The following CNTN4 variants were observed in gnomAD, a reference collection of about 807,000 sequenced individuals.
CNTN4 encodes contactin-4.
Under a neutral mutation model 122.5 loss-of-function variants are expected in CNTN4, and 77 were observed. The ratio of observed to expected loss-of-function variants is 0.63; its 90% CI spans 0.52 to 0.76. The LOEUF is 0.76. Among genes scored for constraint, CNTN4 ranks in the 30% least tolerant of loss-of-function variants. The pLI, the probability that CNTN4 is intolerant of heterozygous loss-of-function variation, is 0.00. For missense variants in CNTN4, 1,256 were observed against 1,259.1 expected, an observed-to-expected ratio of 1.00 and a Z score of 0.04; for synonymous variants, 512 against 447.0, an observed-to-expected ratio of 1.15 and a Z score of -1.83.
chr3:2,971,370 A>ATC (rs1333760941), intron 13 of CNTN4, among the ~76,000 whole-genome samples: 2 of 150,634 alleles, frequency 1.3e-5, no homozygotes, highest in African/African-American at 4.9e-5. Flanking sequence ...CTATCTATCT[A>ATC]TATATATATA....
At chr3:2,193,072 G>A (rs537290087) in intron 2 of CNTN4, among the ~76,000 whole-genome samples, 4 of 152,154 alleles carry the variant, frequency 2.6e-5, no homozygotes, top group Non-Finnish European at 4.4e-5. Flanking sequence ...CCTTACTTAT[G>A]ATGCATCTTT....
intron 4 of CNTN4, among the ~76,000 whole-genome samples, chr3:2,682,709 G>T (rs1318119528): frequency 6.6e-6 from 1 of 152,086 alleles, no homozygotes; most frequent in Non-Finnish European, 1.5e-5. Context: ...GTTAAATAAA[G>T]ATCTAGACAA....
At chr3:2,273,417 A>G (rs2041379178) in intron 2 of CNTN4, among the ~76,000 whole-genome samples, 1 of 152,142 alleles carries the variant, frequency 6.6e-6, no homozygotes, top group South Asian at 2.1e-4. Context: ...AAACATCTCA[A>G]TAGGATGTGT....
chr3:2,687,131 C>G (rs1330454892), intron 4 of CNTN4, among the ~76,000 whole-genome samples: 2 of 152,176 alleles, frequency 1.3e-5, no homozygotes, highest in Non-Finnish European at 2.9e-5. Flanking sequence ...GAGTTTCAAT[C>G]ATTTAAATAT....
chr3:2,757,583 G>A (rs963843194), intron 6 of CNTN4, among the ~76,000 whole-genome samples: 1 of 152,196 alleles, frequency 6.6e-6, no homozygotes, highest in Non-Finnish European at 1.5e-5. Context: ...CTGTGCTAGT[G>A]AGGGCCAGCT....
At chr3:2,453,325 A>T (rs1396562126) in intron 3 of CNTN4, among the ~76,000 whole-genome samples, 1 of 152,174 alleles carries the variant, frequency 6.6e-6, no homozygotes, top group African/African-American at 2.4e-5. Context: ...ATACTATTTT[A>T]AAAACATTTA....
At chr3:2,579,976 A>G (rs2079861853) in intron 4 of CNTN4, among the ~76,000 whole-genome samples, 1 of 152,146 alleles carries the variant, frequency 6.6e-6, no homozygotes, top group East Asian at 1.9e-4. Flanking sequence ...CCTTATCTAT[A>G]CAATGGTGTT....
chr3:2,320,219 G>A (rs1051819285), intron 2 of CNTN4, among the ~76,000 whole-genome samples: 18 of 152,092 alleles, frequency 1.2e-4, no homozygotes, highest in Admixed American at 9.8e-4. Flanking sequence ...ATTTAATTAC[G>A]TTTAGTGACC....
At chr3:2,625,213 GT>G (rs2082137590) in intron 4 of CNTN4, among the ~76,000 whole-genome samples, 1 of 152,066 alleles carries the variant, frequency 6.6e-6, no homozygotes, top group African/African-American at 2.4e-5. Flanking sequence ...AAGGTAGTGG[GT>G]CTCTAAAAAT....
At chr3:2,173,231 C>G (rs2036594374) in intron 2 of CNTN4, among the ~76,000 whole-genome samples, 1 of 152,158 alleles carries the variant, frequency 6.6e-6, no homozygotes, top group Non-Finnish European at 1.5e-5. Context: ...ACTGAGCAAA[C>G]AGACCATTTG....
At chr3:3,039,629 T>G in intron 19 of CNTN4, 1 of 246,426 alleles carries the variant, frequency 4.1e-6, no homozygotes, top group East Asian at 1.0e-4. Flanking sequence ...AGAGGGAGGA[T>G]CTTCAGCCAA....
rs2094190626 is a variant in CNTN4, at chr3:2,902,931, A to G, written c.1133A>G (p.Asp378Gly). ...TLNITIVNLS[D>G]AGMYQCLAEN... is the part of the protein sequence containing the mutation. The stretch of plus-strand genomic sequence containing the variant: ...AACATAACAATAGTGAACCTCTCAG[A>G]TGCTGGCATGTATCAGTGTTTGGCA... Residue 378 changes from aspartate to glycine, a missense_variant, in exon 12 of 25, where the codon GAT (aspartate) becomes GGT (glycine). Physicochemically the swap from Asp to Gly is moderately conservative, Grantham distance 94. Coordinates refer to ENST00000418658, the MANE Select transcript of CNTN4 (RefSeq NM_175607.3). The G allele has an allele frequency of 6.2e-7, 1 of 1,613,756 alleles. No individual in the cohort carries two copies. The highest frequency in any genetic ancestry group is 8.5e-7 in the Non-Finnish European group (1 of 1,179,852).
chr3:2,388,942 A>C (rs1436677537), intron 3 of CNTN4, among the ~76,000 whole-genome samples: 2 of 151,828 alleles, frequency 1.3e-5, no homozygotes, highest in Non-Finnish European at 2.9e-5. Flanking sequence ...TAGATCACCT[A>C]AGGTCAGGAG....
At chr3:2,310,021 A>G (rs533653495) in intron 2 of CNTN4, among the ~76,000 whole-genome samples, 2 of 152,136 alleles carry the variant, frequency 1.3e-5, no homozygotes, top group African/African-American at 4.8e-5. Context: ...CTCTTTTTAT[A>G]TCAACTTATT....
chr3:2,996,927 A>G (rs1695590357), intron 14 of CNTN4, among the ~76,000 whole-genome samples: 1 of 152,246 alleles, frequency 6.6e-6, no homozygotes, highest in Admixed American at 6.5e-5. Flanking sequence ...TATTACAGTT[A>G]TATATTTTTG....
chr3:2,482,746 A>G (rs2076040825), intron 3 of CNTN4, among the ~76,000 whole-genome samples: 1 of 152,212 alleles, frequency 6.6e-6, no homozygotes, highest in African/African-American at 2.4e-5. Context: ...CCTCAAGCCT[A>G]GGCAGCTTCC....
chr3:2,249,608 G>C (rs1331679425), intron 2 of CNTN4, among the ~76,000 whole-genome samples: 2 of 151,928 alleles, frequency 1.3e-5, no homozygotes, highest in Admixed American at 1.3e-4. Flanking sequence ...GAGAAGAGTA[G>C]TTGAAACAGC....
intron 3 of CNTN4, among the ~76,000 whole-genome samples, chr3:2,556,245 T>C (rs548732155): frequency 6.2e-4 from 94 of 152,336 alleles, no homozygotes; most frequent in South Asian, 8.3e-4. Context: ...CTGGGCATTT[T>C]CCTTGACAAC....
chr3:2,861,027 G>A (rs4309712), intron 7 of CNTN4, among the ~76,000 whole-genome samples: 112,671 of 151,918 alleles, frequency 0.74, 42,010 homozygotes, highest in African/African-American at 0.83. Flanking sequence ...ATCCATTTAC[G>A]AAAAGATAAT....
Sources: gnomAD v4.1 joint callset for allele counts (sites outside exome capture counted in the v4.1 genomes callset) on GRCh38, gnomAD v4.1.1 for gene constraint, MANE v1.5 for transcripts, NCBI Gene and HGNC (gene_info 2026-07-23, HGNC 2026-07-21) for gene names.